The following ABL2 variants were observed in gnomAD, a reference collection of about 807,000 sequenced individuals.
ABL2 encodes tyrosine-protein kinase ABL2.
In ABL2, 49 loss-of-function variants were observed where a neutral mutation model predicts 107.7. The ratio of observed to expected loss-of-function variants is 0.45; its 90% CI spans 0.36 to 0.58. The LOEUF (loss-of-function observed/expected upper bound fraction) is 0.58. ABL2 is among the 20% of genes least tolerant of loss of function. The pLI, the probability that ABL2 is intolerant of heterozygous loss-of-function variation, is 0.00. For synonymous variants in ABL2, 549 were observed against 548.6 expected (o/e 1.00, Z -0.01); for missense variants, 1,245 against 1,457.0 (o/e 0.85, Z 2.37).
chr1:179,194,223 C>A (rs2102827520), intron 1 of ABL2, among the ~76,000 whole-genome samples: 1 of 152,246 alleles, frequency 6.6e-6, no homozygotes, highest in South Asian at 2.1e-4. Flanking sequence ...AATACCATTT[C>A]CAGTGTTTCA....
chr1:179,197,485 A>G (rs1450156830), intron 1 of ABL2, among the ~76,000 whole-genome samples: 1 of 151,722 alleles, frequency 6.6e-6, no homozygotes, highest in African/African-American at 2.4e-5. Flanking sequence ...CAATTCACCA[A>G]TACATTATAG....
At chr1:179,153,958 T>TA (rs1658527701) in intron 1 of ABL2, among the ~76,000 whole-genome samples, 1 of 152,210 alleles carries the variant, frequency 6.6e-6, no homozygotes, top group South Asian at 2.1e-4. Context: ...TTGTTGTTGC[T>TA]AATGGCATAT....
intron 1 of ABL2, among the ~76,000 whole-genome samples, chr1:179,194,554 C>T (rs779366760): frequency 3.9e-5 from 6 of 152,136 alleles, no homozygotes; most frequent in Non-Finnish European, 8.8e-5. Context: ...TATTTACACA[C>T]ATATTAAAAC....
chr1:179,188,259 C>T (rs1240034995), intron 1 of ABL2, among the ~76,000 whole-genome samples: 1 of 152,130 alleles, frequency 6.6e-6, no homozygotes, highest in East Asian at 1.9e-4. Flanking sequence ...AACAGCACAT[C>T]TGCTGGGCGT....
chr1:179,111,281 CTTTTTTTTTTTT>C (rs748453531), intron 10 of ABL2, among the ~76,000 whole-genome samples: 8 of 82,276 alleles, frequency 9.7e-5, no homozygotes, highest in African/African-American at 2.6e-4. Context: ...AGTGCTCAGT[CTTTTTTTTTTTT>C]TTTTTTTTTT....
rs567707430 is a variant in ABL2 at position 179,224,123 on chromosome 1, C to T, written c.157+5118G>A. Among the ~76,000 whole-genome samples, 5 of 109,990 alleles carry T rather than the reference C, an allele frequency of 4.5e-5. No individual in the cohort carries two copies. The South Asian group carries it at 1.1e-3, about 23-fold the overall frequency. The allele number at this position is 109,990 out of a possible 152,430, so 72.2% of individuals were successfully genotyped here. A position where few individuals can be genotyped will look rare whatever the true frequency, so the allele number is the denominator to read the frequency against. On this transcript the variant is annotated intron_variant, in intron 1 of 11. Transcript: ENST00000502732. ...TCCAGCCTGGGCAAGAGAGTGAGAC[C>T]CTACTCACTACAAAAAAAAAAAAAA...
At chr1:179,140,797 G>A (rs1332003889) in intron 1 of ABL2, among the ~76,000 whole-genome samples, 1 of 152,186 alleles carries the variant, frequency 6.6e-6, no homozygotes, top group Non-Finnish European at 1.5e-5. Context: ...ACTTTGAGAA[G>A]CCAAGGCGGG....
chr1:179,112,062 T>C (rs1018617833), intron 10 of ABL2, among the ~76,000 whole-genome samples: 2 of 151,950 alleles, frequency 1.3e-5, no homozygotes, highest in African/African-American at 4.8e-5. Context: ...AAAAAGTATA[T>C]ATATGAATAT....
intron 1 of ABL2, among the ~76,000 whole-genome samples, chr1:179,145,164 A>G (rs1657899009): frequency 6.6e-6 from 1 of 152,206 alleles, no homozygotes; most frequent in East Asian, 1.9e-4. Context: ...CAAGGCAAAT[A>G]TTATATAATT....
intron 11 of ABL2, among the ~76,000 whole-genome samples, chr1:179,109,941 G>T (rs200729808): frequency 7.3e-6 from 1 of 136,356 alleles, no homozygotes; most frequent in African/African-American, 2.7e-5. Flanking sequence ...AAAAAAAAAA[G>T]AAAAAAAAAA....
intron 8 of ABL2, among the ~76,000 whole-genome samples, chr1:179,115,316 G>A (rs200955592): frequency 6.6e-6 from 1 of 152,140 alleles, no homozygotes; most frequent in African/African-American, 2.4e-5. Flanking sequence ...CATTTAAGAA[G>A]TCTGAGGCAT....
chr1:179,229,205 C>CCCCCCCCCCCCCCCCCCAACA, intron 1 of ABL2, 36 bp downstream of exon 1: 1 of 1,461,772 alleles, frequency 6.8e-7, no homozygotes, highest in Non-Finnish European at 9.1e-7. Context: ...CCCCGGCCTC[C>CCCCCCCCCCCCCCCCCCAACA]CCCACGCTCT....
At position 179,136,916 on chromosome 1, in the gene ABL2, CA is replaced by C. The variant is rs33980980; in HGVS notation, c.158-3543del. On this transcript the variant is annotated intron_variant, in intron 1 of 11. Coordinates refer to ENST00000502732, the MANE Select transcript of ABL2 (RefSeq NM_007314.4). ...GTGACAACAGAGTGAGACCCTGTCT[CA>C]AAAAAAAAAAAAAAAGGCTTCATAA... Among the ~76,000 whole-genome samples, 84 of 110,064 alleles carry C rather than the reference CA, an allele frequency of 7.6e-4. 1 individual carries two copies. The highest frequency in any genetic ancestry group is 9.3e-4 in the Admixed American group (10 of 10,742). The allele number at this position is 110,064 out of a possible 152,430, so 72.2% of individuals were successfully genotyped here.
rs113960384 is a variant in ABL2 at position 179,163,684 on chromosome 1, T to C, written c.158-30310A>G. Among the ~76,000 whole-genome samples the C allele has an allele frequency of 8.5e-3, 1,298 of 152,056 alleles. 15 individuals carry two copies. Among genetic ancestry groups the C allele is most frequent in the African/African-American group, 0.03 (1,237 of 41,462 alleles). ...ATCGCTTGAACCCAGGAGGCGGAGG[T>C]TGCAGTGAGCTGTGATCGCGCCACC... On this transcript the variant is annotated intron_variant, in intron 1 of 11. Transcript: ENST00000502732.
In ABL2 at chr1:179,109,448, A is replaced by G. The variant is rs1238071327; in HGVS notation, c.1826-7T>C. The G allele has an allele frequency of 6.3e-7, 1 of 1,595,208 alleles. No homozygotes were observed. Among genetic ancestry groups the G allele is most frequent in the Non-Finnish European group, 8.5e-7 (1 of 1,172,712 alleles). ...TGTGCACCTCTGATGAACCCTGATG[A>G]GAAATGGCCGATCAGTAACTTAAAA... On this transcript the variant is annotated splice_polypyrimidine_tract_variant and splice_region_variant and intron_variant, in intron 11 of 11. Transcript: ENST00000502732.
chr1:179,137,037 AT>A (rs757410788), intron 1 of ABL2, among the ~76,000 whole-genome samples: 15 of 152,208 alleles, frequency 9.9e-5, no homozygotes, highest in East Asian at 9.6e-4. Flanking sequence ...CAAAAAGAAT[AT>A]ATATTTAAAA....
At chr1:179,151,604 T>C (rs1043201768) in intron 1 of ABL2, among the ~76,000 whole-genome samples, 2 of 152,194 alleles carry the variant, frequency 1.3e-5, no homozygotes, top group African/African-American at 4.8e-5. Context: ...ATCCAGTACG[T>C]ATGAGACTTC....
chr1:179,211,633 A>C (rs1662280679), intron 1 of ABL2, among the ~76,000 whole-genome samples: 1 of 152,148 alleles, frequency 6.6e-6, no homozygotes, highest in Non-Finnish European at 1.5e-5. Flanking sequence ...ATTGTGGCTC[A>C]TGCCTGTAAT....
chr1:179,213,160 CTA>C (rs1662379736), intron 1 of ABL2, among the ~76,000 whole-genome samples: 3 of 151,322 alleles, frequency 2.0e-5, no homozygotes, highest in African/African-American at 7.3e-5. Flanking sequence ...ATATGTCTAT[CTA>C]AAATATTATT....
Sources: allele counts gnomAD v4.1 joint callset (sites outside exome capture counted in the v4.1 genomes callset), GRCh38; gene constraint gnomAD v4.1.1; transcripts MANE v1.5; gene names NCBI Gene and HGNC (gene_info 2026-07-23, HGNC 2026-07-21).